SH3GL1: variants seen among roughly 807,000 people sequenced by gnomAD.
SH3GL1 encodes the protein SH3 domain containing GRB2 like 1, endophilin A2, also known as endophilin-A2.
A neutral mutation model predicts 48.8 loss-of-function variants in SH3GL1; 21 were observed. The observed-to-expected ratio is 0.43, with a 90% confidence interval of 0.30 to 0.62. The LOEUF (loss-of-function observed/expected upper bound fraction) is 0.62. Among genes scored for constraint, SH3GL1 ranks in the 20% least tolerant of loss-of-function variants. The pLI, the probability that SH3GL1 is intolerant of heterozygous loss-of-function variation, is 0.11. For missense variants in SH3GL1, 454 were observed against 503.0 expected (o/e 0.90, Z 0.93); for synonymous variants, 282 against 217.5 (o/e 1.30, Z -2.61).
At chr19:4,373,607 G>A (rs1406293172) in intron 1 of SH3GL1, among the ~76,000 whole-genome samples, 1 of 152,190 alleles carries the variant, frequency 6.6e-6, no homozygotes, top group Non-Finnish European at 1.5e-5. Context: ...CGCTCCTCTG[G>A]GAACCAAGCT....
Position 4,362,255 on chromosome 19 carries a change from G to C in SH3GL1, c.910+74C>G, listed in dbSNP as rs1972638058. ...CTGCTTGAGATGGGCAGAGAACAGG[G>C]CGGGAGGAGAAACACCCTCCCCGAA... On this transcript the variant is annotated intron_variant, in intron 9 of 9. Coordinates refer to ENST00000269886, the MANE Select transcript of SH3GL1 (RefSeq NM_003025.4). 4.2e-6 allele frequency: 6 copies of C among 1,417,574 alleles called. No homozygotes were observed. In the African/African-American group the frequency reaches 8.5e-5, roughly 20 times the overall value. The allele number at this position is 1,417,574 out of a possible 1,614,324, so 87.8% of individuals were successfully genotyped here. A position where few individuals can be genotyped will look rare whatever the true frequency, so the allele number is the denominator to read the frequency against.
intron 1 of SH3GL1, among the ~76,000 whole-genome samples, chr19:4,388,027 A>G (rs1295076640): frequency 6.6e-6 from 1 of 151,784 alleles, no homozygotes; most frequent in African/African-American, 2.4e-5. Flanking sequence ...CGCCCAGCTA[A>G]TTTTTGTATT....
At chr19:4,381,775 C>A (rs1425262999) in intron 1 of SH3GL1, among the ~76,000 whole-genome samples, 1 of 143,212 alleles carries the variant, frequency 7.0e-6, no homozygotes, top group Non-Finnish European at 1.5e-5. Flanking sequence ...TCACTGCAAG[C>A]TCCACCTCCC....
chr19:4,363,039 G>A (rs958955333), intron 7 of SH3GL1, among the ~76,000 whole-genome samples: 6 of 152,126 alleles, frequency 3.9e-5, no homozygotes, highest in African/African-American at 2.4e-5. Context: ...CACCACGGAC[G>A]GCGCCCCACA....
rs200848916 is a variant in SH3GL1, at chr19:4,375,522, C to T, written c.46-8528G>A. ...GAGGACAGGCCTGCCAACCAGGGGGCTCAGCTATGTGGGACACACGCTCCC... is the reference window on the plus strand; with the variant it reads ...GAGGACAGGCCTGCCAACCAGGGGGTTCAGCTATGTGGGACACACGCTCCC... On this transcript the variant is annotated intron_variant, in intron 1 of 9. Transcript: ENST00000269886. Among the ~76,000 whole-genome samples, 13 of 152,330 alleles carry T rather than the reference C, an allele frequency of 8.5e-5. No individual in the cohort carries two copies. The East Asian group carries it at 2.3e-3, about 27-fold the overall frequency.
intron 1 of SH3GL1, among the ~76,000 whole-genome samples, chr19:4,396,717 C>T (rs940461510): frequency 1.3e-5 from 2 of 151,936 alleles, no homozygotes; most frequent in Non-Finnish European, 2.9e-5. Flanking sequence ...CATTTGGGGC[C>T]AGGTAATTCT....
chr19:4,398,164 T>C (rs1323153296), intron 1 of SH3GL1, among the ~76,000 whole-genome samples: 2 of 152,096 alleles, frequency 1.3e-5, no homozygotes, highest in Non-Finnish European at 2.9e-5. Flanking sequence ...CTTTTTTCTT[T>C]CCAGGGGCAA....
chr19:4,376,411 C>G lies in SH3GL1; in HGVS notation c.46-9417G>C, dbSNP rs764063378. 6.6e-6 allele frequency among the ~76,000 whole-genome samples: 1 copy of G among 152,248 alleles called. No homozygotes were observed. Among genetic ancestry groups the G allele is most frequent in the African/African-American group, 2.4e-5 (1 of 41,546 alleles). On this transcript the variant is annotated intron_variant, in intron 1 of 9. Coordinates refer to ENST00000269886, the MANE Select transcript of SH3GL1 (RefSeq NM_003025.4). This position sits in a 1 kb window ranked among gnomAD's most constrained non-coding sequence, Gnocchi z 4.3. Reference sequence around the variant, plus strand: ...TCAGCGCCCTCCTCCCTGCCGGCAGCCAGGCAGGGATTTAGGTGGTTTCTG... The same window carrying G: ...TCAGCGCCCTCCTCCCTGCCGGCAGGCAGGCAGGGATTTAGGTGGTTTCTG...
chr19:4,399,696 T>A (rs1016913361), intron 1 of SH3GL1, among the ~76,000 whole-genome samples: 7 of 152,062 alleles, frequency 4.6e-5, no homozygotes, highest in Admixed American at 2.0e-4. Flanking sequence ...CGCTCCAGTG[T>A]GATCTCCAAG....
At chr19:4,390,393 GCAGA>G (rs912039763) in intron 1 of SH3GL1, 1 of 152,714 alleles carries the variant, frequency 6.5e-6, no homozygotes, top group African/African-American at 2.4e-5. Flanking sequence ...AGACAGGCAG[GCAGA>G]CAGACAGGAA....
chr19:4,382,179 C>A (rs1973146805), intron 1 of SH3GL1, among the ~76,000 whole-genome samples: 1 of 151,864 alleles, frequency 6.6e-6, no homozygotes, highest in Non-Finnish European at 1.5e-5. Context: ...GCTGGCCCCT[C>A]AACAGCTATC....
intron 1 of SH3GL1, among the ~76,000 whole-genome samples, chr19:4,391,987 C>A (rs1031686263): frequency 6.6e-6 from 1 of 152,254 alleles, no homozygotes; most frequent in Non-Finnish European, 1.5e-5. Context: ...TCCCATCATA[C>A]GTGGACATCA....
At chr19:4,388,864 A>G (rs1973283716) in intron 1 of SH3GL1, among the ~76,000 whole-genome samples, 1 of 152,194 alleles carries the variant, frequency 6.6e-6, no homozygotes, top group Admixed American at 6.5e-5. Flanking sequence ...AGTTCAGGTG[A>G]CTGTCAGCTG....
At chr19:4,381,388 C>T (rs1236792802) in intron 1 of SH3GL1, among the ~76,000 whole-genome samples, 1 of 128,530 alleles carries the variant, frequency 7.8e-6, no homozygotes, top group Non-Finnish European at 1.7e-5. Context: ...GTCCCCTCTG[C>T]CTCTCTCTGT....
At chr19:4,364,865 A>C (rs1163567342) in intron 4 of SH3GL1, among the ~76,000 whole-genome samples, 1 of 42,078 alleles carries the variant, frequency 2.4e-5, no homozygotes, top group Non-Finnish European at 4.5e-5. Context: ...CACCCGGCTA[A>C]TTGTGTGTGT....
At chr19:4,372,293 G>A (rs1245825416) in intron 1 of SH3GL1, among the ~76,000 whole-genome samples, 1 of 152,224 alleles carries the variant, frequency 6.6e-6, no homozygotes, top group African/African-American at 2.4e-5. Context: ...TAGGCACTCT[G>A]TGCCCGGCCC....
At chr19:4,378,442 C>T (rs747597645) in intron 1 of SH3GL1, among the ~76,000 whole-genome samples, 20 of 152,144 alleles carry the variant, frequency 1.3e-4, no homozygotes, top group South Asian at 4.1e-4. Flanking sequence ...AGGCCAGGTG[C>T]GGTGGCTCAC....
intron 1 of SH3GL1, among the ~76,000 whole-genome samples, chr19:4,388,770 G>A (rs1973281635): frequency 6.6e-6 from 1 of 152,202 alleles, no homozygotes; most frequent in African/African-American, 2.4e-5. Context: ...GCAGGCGTCT[G>A]GGCTTGGCTT....
chr19:4,382,850 G>A (rs2144904230), intron 1 of SH3GL1, among the ~76,000 whole-genome samples: 1 of 152,310 alleles, frequency 6.6e-6, no homozygotes, highest in East Asian at 1.9e-4. Context: ...GAAACACACA[G>A]CTAGGTTTCT....
Sources: allele counts gnomAD v4.1 joint callset (sites outside exome capture counted in the v4.1 genomes callset), GRCh38; gene constraint gnomAD v4.1.1; non-coding constraint Gnocchi (gnomAD v3.1); transcripts MANE v1.5; gene names NCBI Gene and HGNC (gene_info 2026-07-23, HGNC 2026-07-21).